HSF2BP: variants seen among roughly 807,000 people sequenced by gnomAD.
The protein encoded by HSF2BP is heat shock factor 2-binding protein.
In HSF2BP, 35 loss-of-function variants were observed where a neutral mutation model predicts 35.0. The ratio of observed to expected loss-of-function variants is 1.00; its 90% CI spans 0.76 to 1.32. The LOEUF is 1.32. Among genes scored for constraint, HSF2BP ranks in the 40% most tolerant of loss-of-function variants. The pLI is 0.00. For missense variants in HSF2BP, 326 were observed against 321.7 expected, an observed-to-expected ratio of 1.01 and a Z score of -0.10; for synonymous variants, 114 against 117.4, an observed-to-expected ratio of 0.97 and a Z score of 0.18.
intron 1 of HSF2BP, 81 bp from the exon 2 acceptor site, chr21:43,658,401 G>T: frequency 4.7e-6 from 2 of 427,982 alleles, no homozygotes; most frequent in Non-Finnish European, 4.2e-6. Flanking sequence ...GTTTGGCGAG[G>T]AATGCTACAC....
At chr21:43,599,216 T>C (rs571173352) in intron 7 of HSF2BP, among the ~76,000 whole-genome samples, 1 of 152,320 alleles carries the variant, frequency 6.6e-6, no homozygotes, top group African/African-American at 2.4e-5. Flanking sequence ...TCAAAATCAG[T>C]TATCCTTAAG....
chr21:43,579,056 C>T (rs956119631), intron 8 of HSF2BP, among the ~76,000 whole-genome samples: 1 of 152,192 alleles, frequency 6.6e-6, no homozygotes, highest in Non-Finnish European at 1.5e-5. Context: ...TTGACAAATG[C>T]TAACTCCCCA....
intron 4 of HSF2BP, among the ~76,000 whole-genome samples, chr21:43,634,964 A>T (rs2082531963): frequency 6.6e-6 from 1 of 152,146 alleles, no homozygotes; most frequent in Non-Finnish European, 1.5e-5. Flanking sequence ...CTTCTGCACG[A>T]CCACAAAAAG....
intron 8 of HSF2BP, among the ~76,000 whole-genome samples, chr21:43,585,242 T>A (rs1467457561): frequency 3.3e-5 from 5 of 152,136 alleles, no homozygotes; most frequent in African/African-American, 1.2e-4. Flanking sequence ...GCCCAGGAAT[T>A]CGATTTACAG....
chr21:43,613,395 C>T (rs1601669169), intron 7 of HSF2BP, among the ~76,000 whole-genome samples: 1 of 152,354 alleles, frequency 6.6e-6, no homozygotes, highest in African/African-American at 2.4e-5. Context: ...CTGGAAAACA[C>T]CTCACTTTTG....
At chr21:43,636,894 CAAAAAAAAA>C (rs34578952) in intron 4 of HSF2BP, among the ~76,000 whole-genome samples, 45 of 112,060 alleles carry the variant, frequency 4.0e-4, no homozygotes, top group East Asian at 1.3e-3. Context: ...CGTCTCAAAA[CAAAAAAAAA>C]AAAAAAAAAA....
chr21:43,658,553 G>A (rs1437689553), intron 1 of HSF2BP, among the ~76,000 whole-genome samples: 3 of 152,156 alleles, frequency 2.0e-5, no homozygotes, highest in African/African-American at 7.2e-5. Context: ...CTAGACAACT[G>A]AGCGGAGCAA....
chr21:43,651,145 G>C (rs2082780327), intron 3 of HSF2BP, among the ~76,000 whole-genome samples: 1 of 152,058 alleles, frequency 6.6e-6, no homozygotes, highest in South Asian at 2.1e-4. Context: ...ATTTCCCCAA[G>C]GGTTCACATA....
intron 7 of HSF2BP, among the ~76,000 whole-genome samples, chr21:43,603,108 A>G (rs1366995778): frequency 6.6e-6 from 1 of 152,240 alleles, no homozygotes; most frequent in Non-Finnish European, 1.5e-5. Context: ...GAAATCCACA[A>G]GTCTAATAAA....
At chr21:43,602,583 G>A (rs140487422) in intron 7 of HSF2BP, among the ~76,000 whole-genome samples, 4 of 152,242 alleles carry the variant, frequency 2.6e-5, no homozygotes, top group African/African-American at 7.2e-5. Flanking sequence ...CAGTAACTTC[G>A]AGAAACAGGA....
intron 7 of HSF2BP, among the ~76,000 whole-genome samples, chr21:43,603,523 C>G (rs188731398): frequency 6.6e-5 from 10 of 152,346 alleles, no homozygotes; most frequent in African/African-American, 2.4e-4. Flanking sequence ...GCTGACAGAG[C>G]TCACCCTGCA....
chr21:43,581,716 C>T (rs906604005), intron 8 of HSF2BP, among the ~76,000 whole-genome samples: 2 of 152,196 alleles, frequency 1.3e-5, no homozygotes, highest in Admixed American at 6.5e-5. Flanking sequence ...AGACTATGGC[C>T]CAGCTCAGAG....
chr21:43,632,481 GCTGCCACACAC>G (rs2082493467), intron 5 of HSF2BP, among the ~76,000 whole-genome samples: 5 of 35,028 alleles, frequency 1.4e-4, no homozygotes, highest in African/African-American at 1.7e-4. Flanking sequence ...ACACACACAC[GCTGCCACACAC>G]ACACACAGTT....
At chr21:43,589,888 A>G (rs1169948490) in intron 8 of HSF2BP, among the ~76,000 whole-genome samples, 1 of 152,254 alleles carries the variant, frequency 6.6e-6, no homozygotes, top group Admixed American at 6.5e-5. Flanking sequence ...ACCAATTCAA[A>G]ACAAATCATA....
chr21:43,588,942 T>C (rs1335409791), intron 8 of HSF2BP, among the ~76,000 whole-genome samples: 1 of 152,136 alleles, frequency 6.6e-6, no homozygotes, highest in African/African-American at 2.4e-5. Flanking sequence ...GTCTAGGGCT[T>C]TACCCTACTT....
chr21:43,580,571 A>C lies in HSF2BP; in HGVS notation c.796+11654T>G, dbSNP rs985331536. On this transcript the variant is annotated intron_variant, in intron 8 of 8. Coordinates refer to ENST00000291560, the MANE Select transcript of HSF2BP (RefSeq NM_007031.2). ...CACCTTTGTTCTATTGGACATTCTG[A>C]AGGAGAAGTTTCAAGTCAATAATGT... Among the ~76,000 whole-genome samples the C allele has an allele frequency of 2.6e-5, 4 of 152,334 alleles. No homozygotes were observed. In the East Asian group the frequency reaches 7.7e-4, roughly 29 times the overall value.
intron 8 of HSF2BP, among the ~76,000 whole-genome samples, chr21:43,591,803 G>A (rs1211932391): frequency 6.6e-6 from 1 of 152,150 alleles, no homozygotes; most frequent in African/African-American, 2.4e-5. Context: ...ATCTCATGCT[G>A]CCATCCCACT....
In HSF2BP at chr21:43,658,202, G is replaced by A; in HGVS notation, c.-106C>T. 7.7e-7 allele frequency: 1 copy of A among 1,306,112 alleles called. No homozygotes were observed. 80.9% of individuals were successfully genotyped at this position (1,306,112 alleles called of 1,614,324 possible). A position where few individuals can be genotyped will look rare whatever the true frequency, so the allele number is the denominator to read the frequency against. On this transcript the variant is annotated 5_prime_UTR_variant, in exon 2 of 9. Coordinates refer to ENST00000291560, the MANE Select transcript of HSF2BP (RefSeq NM_007031.2). ...CCACGCCGGGGGTCGGGAACGGAGA[G>A]CCGCCAGGCCCAAACCTCCCAGAAT...
At position 43,649,775 on chromosome 21, in the gene HSF2BP, G is replaced by C. The variant is rs769467492; in HGVS notation, c.188-5383C>G. On this transcript the variant is annotated intron_variant, in intron 3 of 8. Coordinates refer to ENST00000291560, the MANE Select transcript of HSF2BP (RefSeq NM_007031.2). ...AAGACAATGAAGATTTAAACAGACT[G>C]AATGGCTTTTTTATTATTTCTCTCC... Among the ~76,000 whole-genome samples, 78 of 152,314 alleles carry C rather than the reference G, an allele frequency of 5.1e-4. 1 individual carries two copies. Among genetic ancestry groups the C allele is most frequent in the South Asian group, 4.1e-4 (2 of 4,826 alleles).
Sources: allele counts gnomAD v4.1 joint callset (sites outside exome capture counted in the v4.1 genomes callset), GRCh38; gene constraint gnomAD v4.1.1; transcripts MANE v1.5; gene names NCBI Gene and HGNC (gene_info 2026-07-23, HGNC 2026-07-21).